Variants in KCTD1 observed in about 807,000 individuals in gnomAD.
The protein encoded by KCTD1 is BTB/POZ domain-containing protein KCTD1.
In KCTD1, 24 loss-of-function variants were observed where a neutral mutation model predicts 66.0. That is an observed-to-expected ratio of 0.36 (90% CI 0.26 to 0.51). The LOEUF (loss-of-function observed/expected upper bound fraction) is 0.51. KCTD1 is among the 20% of genes least tolerant of loss of function. The pLI is 0.95. For missense variants in KCTD1, 943 were observed against 1,205.2 expected, an observed-to-expected ratio of 0.78 and a Z score of 3.22; for synonymous variants, 511 against 517.2, an observed-to-expected ratio of 0.99 and a Z score of 0.16.
intron 1 of KCTD1, among the ~76,000 whole-genome samples, chr18:26,513,551 T>C (rs1983466863): frequency 6.6e-6 from 1 of 152,210 alleles, no homozygotes; most frequent in Non-Finnish European, 1.5e-5. Flanking sequence ...CAGAACGTTT[T>C]CCCGAGGATG....
At chr18:26,590,364 C>T (rs972491381) in intron 1 of KCTD1, among the ~76,000 whole-genome samples, 1 of 152,070 alleles carries the variant, frequency 6.6e-6, no homozygotes, top group Non-Finnish European at 1.5e-5. Flanking sequence ...GCTGGGATTA[C>T]AGGCATGAGC....
At chr18:26,492,620 TA>T (rs1982264386) in intron 2 of KCTD1, among the ~76,000 whole-genome samples, 1 of 134,016 alleles carries the variant, frequency 7.5e-6, no homozygotes, top group South Asian at 2.1e-4. Flanking sequence ...AATAAATAAA[TA>T]AATAAATAAA....
intron 1 of KCTD1, among the ~76,000 whole-genome samples, chr18:26,583,763 A>C (rs976575301): frequency 7.9e-5 from 12 of 152,248 alleles, no homozygotes; most frequent in Middle Eastern, 3.2e-3. Context: ...GTGTTTTAGG[A>C]AATTTAAAAA....
intron 1 of KCTD1, among the ~76,000 whole-genome samples, chr18:26,603,070 T>C (rs532982148): frequency 6.6e-6 from 1 of 152,128 alleles, no homozygotes; most frequent in Non-Finnish European, 1.5e-5. Flanking sequence ...GCTAGCCATA[T>C]GCAGAAGATT....
chr18:26,643,940 T>C (rs572897439), upstream of KCTD1, among the ~76,000 whole-genome samples: 57 of 151,748 alleles, frequency 3.8e-4, no homozygotes, highest in African/African-American at 9.2e-4. Flanking sequence ...CCAGCCTGGG[T>C]GACAGAGTGA....
chr18:26,548,615 T>A (rs1478383503), upstream of KCTD1: 3 of 1,173,918 alleles, frequency 2.6e-6, no homozygotes, highest in Admixed American at 9.0e-5. Context: ...TTGTGTTTAA[T>A]GACCTTCAGC....
At chr18:26,492,256 G>A (rs751328092) in intron 2 of KCTD1, among the ~76,000 whole-genome samples, 2 of 151,920 alleles carry the variant, frequency 1.3e-5, no homozygotes, top group Non-Finnish European at 2.9e-5. Context: ...AAAAAAATTG[G>A]AATCTTTGAG....
At chr18:26,485,212 A>C (rs1413989645) in intron 2 of KCTD1, among the ~76,000 whole-genome samples, 1 of 152,220 alleles carries the variant, frequency 6.6e-6, no homozygotes. Context: ...TGTGCAGGGC[A>C]CAGTATAGAG....
At chr18:26,630,773 G>A (rs953190451), upstream of KCTD1, among the ~76,000 whole-genome samples, 13 of 152,200 alleles carry the variant, frequency 8.5e-5, no homozygotes, top group African/African-American at 2.9e-4. Flanking sequence ...CTTTTTCATG[G>A]AACGCCATTG....
chr18:26,546,285 T>A (rs1337336143), intron 1 of KCTD1, among the ~76,000 whole-genome samples: 1 of 151,950 alleles, frequency 6.6e-6, no homozygotes, highest in Non-Finnish European at 1.5e-5. Context: ...CAATAATTTA[T>A]AACTGTTTTT....
At chr18:26,652,843 C>T (rs1988061502) in intron 1 of KCTD1, among the ~76,000 whole-genome samples, 1 of 152,150 alleles carries the variant, frequency 6.6e-6, no homozygotes, top group Non-Finnish European at 1.5e-5. Context: ...TTAGAAATGA[C>T]GTGAAAGATA....
chr18:26,600,725 G>A (rs2438413), intron 1 of KCTD1, among the ~76,000 whole-genome samples: 10,515 of 151,724 alleles, frequency 0.069, 508 homozygotes, highest in Non-Finnish European at 0.11. Flanking sequence ...TCTCATCTCA[G>A]CAATGCTGCC....
intron 1 of KCTD1, among the ~76,000 whole-genome samples, chr18:26,505,696 A>G (rs557596100): frequency 6.6e-6 from 1 of 152,216 alleles, no homozygotes; most frequent in East Asian, 1.9e-4. Context: ...AGCTAGGACT[A>G]CAAGTGTGCA....
At chr18:26,620,926 G>A (rs1039024857) in intron 1 of KCTD1, among the ~76,000 whole-genome samples, 1 of 147,148 alleles carries the variant, frequency 6.8e-6, no homozygotes, top group Non-Finnish European at 1.5e-5. Context: ...TCCGCCTCCC[G>A]GGTTCACGCC....
In KCTD1 at chr18:26,547,024, G is replaced by A; in HGVS notation, c.1513C>T (p.Pro505Ser). 1.3e-6 allele frequency: 2 copies of A among 1,486,784 alleles called. No individual in the cohort carries two copies. The highest frequency in any genetic ancestry group is 1.4e-5 in the African/African-American group (1 of 72,140). The allele number at this position is 1,486,784 out of a possible 1,614,324, so 92.1% of individuals were successfully genotyped here. A position where few individuals can be genotyped will look rare whatever the true frequency, so the allele number is the denominator to read the frequency against. The change falls in exon 1 of 5, where the codon CCC (proline) becomes TCC (serine). Residue 505 changes from proline to serine, a missense_variant. Pro to Ser is a moderately conservative substitution (Grantham distance 74, BLOSUM62 -1). Around this residue, in one of 10 missense-constraint regions of KCTD1, gnomAD observed 197 missense variants for 182.7 expected, o/e 1.08. Coordinates refer to ENST00000580059, the MANE Select transcript of KCTD1 (RefSeq NM_001142730.3). ...PPTHPSHHHR[P>S]QPPSLGNTYI... ...GTGTTCCCCAGCGAGGGCGGCTGGG[G>A]GCGGTGGTGGTGGGAGGGATGGGTG...
intron 1 of KCTD1, among the ~76,000 whole-genome samples, chr18:26,606,126 A>G (rs1003957194): frequency 4.6e-5 from 7 of 151,994 alleles, no homozygotes. Context: ...CAATAGAAAG[A>G]AATGTCTGGG....
chr18:26,549,902 C>A (rs116267417), upstream of KCTD1: 5,490 of 702,524 alleles, frequency 7.8e-3, 119 homozygotes, highest in African/African-American at 0.061. Flanking sequence ...CGCCCAGGCT[C>A]CGGGCGCGTC....
chr18:26,617,499 A>G (rs534256450), intron 1 of KCTD1, among the ~76,000 whole-genome samples: 2 of 152,346 alleles, frequency 1.3e-5, no homozygotes, highest in East Asian at 1.9e-4. Flanking sequence ...GATAAACAAG[A>G]GTCTTTCCAT....
intron 1 of KCTD1, among the ~76,000 whole-genome samples, chr18:26,593,311 A>T (rs1248307414): frequency 2.0e-5 from 3 of 150,338 alleles, no homozygotes; most frequent in Non-Finnish European, 4.4e-5. Flanking sequence ...GAGGAGAAGG[A>T]AGAGGAGGAG....
Sources: allele counts gnomAD v4.1 joint callset (sites outside exome capture counted in the v4.1 genomes callset), GRCh38; gene constraint gnomAD v4.1.1; regional missense constraint gnomAD v4.1.1; transcripts MANE v1.5; gene names NCBI Gene and HGNC (gene_info 2026-07-23, HGNC 2026-07-21).